The following SYN2 variants were observed in gnomAD, a reference collection of about 807,000 sequenced individuals.
SYN2 encodes synapsin II.
Under a neutral mutation model 50.9 loss-of-function variants are expected in SYN2, and 19 were observed. The observed-to-expected ratio is 0.37, with a 90% CI of 0.26 to 0.55. SYN2 has a LOEUF of 0.55. SYN2 is among the 20% of genes least tolerant of loss of function. SYN2 has a pLI of 0.81. For synonymous variants in SYN2, 255 were observed against 224.9 expected (o/e 1.13, Z -1.20); for missense variants, 587 against 576.4 (o/e 1.02, Z -0.19).
At position 12,105,359 on chromosome 3, in the gene SYN2, C is replaced by CT. The variant is rs527900480; in HGVS notation, c.378-35291dup. Among the ~76,000 whole-genome samples, 16 of 151,980 alleles carry CT rather than the reference C, an allele frequency of 1.1e-4. No homozygotes were observed. In the South Asian group the frequency reaches 3.1e-3, roughly 30 times the overall value. ...TGGCGAGAAGTAACCTTGATCTCCT[C>CT]TAAGTCACTATAGTCTTTTATCTAT... On this transcript the variant is annotated intron_variant, in intron 1 of 12. Transcript: ENST00000621198.
intron 1 of SYN2, among the ~76,000 whole-genome samples, chr3:12,085,467 A>C (rs929994692): frequency 6.6e-5 from 10 of 152,162 alleles, no homozygotes; most frequent in African/African-American, 2.4e-4. Context: ...ACTGCAATAC[A>C]ATAATAGTAA....
At chr3:12,018,518 C>CT (rs1331845117) in intron 1 of SYN2, among the ~76,000 whole-genome samples, 2 of 152,152 alleles carry the variant, frequency 1.3e-5, no homozygotes, top group African/African-American at 4.8e-5. Context: ...ATTTAATAGA[C>CT]TTGTTTTCCA....
intron 1 of SYN2, among the ~76,000 whole-genome samples, chr3:12,018,345 G>A (rs1322845041): frequency 1.3e-5 from 2 of 151,808 alleles, no homozygotes; most frequent in Non-Finnish European, 2.9e-5. Context: ...TTGGCATAAA[G>A]GTTTCAGGGC....
At chr3:12,080,496 A>G (rs307568) in intron 1 of SYN2, among the ~76,000 whole-genome samples, 140,928 of 152,194 alleles carry the variant, frequency 0.93, 65,300 homozygotes, top group East Asian at 1. Context: ...ATTCTGGTAC[A>G]TTGTCACTTT....
intron 1 of SYN2, among the ~76,000 whole-genome samples, chr3:12,053,547 A>G (rs1694918631): frequency 6.6e-6 from 1 of 152,166 alleles, no homozygotes; most frequent in Admixed American, 6.5e-5. Flanking sequence ...CACTCCATCT[A>G]TCAAACATAA....
intron 1 of SYN2, among the ~76,000 whole-genome samples, chr3:12,117,068 A>G (rs1339045643): frequency 6.6e-6 from 1 of 152,136 alleles, no homozygotes; most frequent in African/African-American, 2.4e-5. Context: ...GGCATTCTTG[A>G]TTGGAGTCTA....
At chr3:12,025,755 A>G (rs970026479) in intron 1 of SYN2, among the ~76,000 whole-genome samples, 2 of 152,140 alleles carry the variant, frequency 1.3e-5, no homozygotes, top group Non-Finnish European at 2.9e-5. Flanking sequence ...CCCTGCAAAC[A>G]GCAGCCACCC....
chr3:12,040,838 C>CTTAA (rs1220997930), intron 1 of SYN2, among the ~76,000 whole-genome samples: 1 of 152,142 alleles, frequency 6.6e-6, no homozygotes, highest in Non-Finnish European at 1.5e-5. Flanking sequence ...GCAGCCTTTG[C>CTTAA]TTAATGTAGA....
chr3:12,037,711 G>C (rs1019007488), intron 1 of SYN2, among the ~76,000 whole-genome samples: 1 of 152,130 alleles, frequency 6.6e-6, no homozygotes, highest in Non-Finnish European at 1.5e-5. Flanking sequence ...GAGGCCTCAC[G>C]ACCTAATTGC....
chr3:12,190,805 C>A lies in SYN2; in HGVS notation c.*180C>A. 1 of 1,367,648 alleles carries A rather than the reference C, an allele frequency of 7.3e-7. No homozygotes were observed. The highest frequency in any genetic ancestry group is 1.8e-5 in the South Asian group (1 of 54,314). The allele number at this position is 1,367,648 out of a possible 1,614,324, so 84.7% of individuals were successfully genotyped here. A position where few individuals can be genotyped will look rare whatever the true frequency, so the allele number is the denominator to read the frequency against. On this transcript the variant is annotated 3_prime_UTR_variant, in exon 13 of 13. Coordinates refer to ENST00000621198, the MANE Select transcript of SYN2 (RefSeq NM_133625.6). The stretch of plus-strand genomic sequence containing the variant: ...AAAGGACCATTTGACAGTCTCAGGG[C>A]AGGTGCCTACCCAGCAAGGGGTACC...
Position 12,151,341 on chromosome 3 carries a change from G to A in SYN2, c.774+15G>A. The A allele has an allele frequency of 6.3e-7, 1 of 1,596,248 alleles. No individual in the cohort carries two copies. Among genetic ancestry groups the A allele is most frequent in the Non-Finnish European group, 8.6e-7 (1 of 1,165,274 alleles). On this transcript the variant is annotated intron_variant, in intron 5 of 12. Coordinates refer to ENST00000621198, the MANE Select transcript of SYN2 (RefSeq NM_133625.6). Reference sequence around the variant, plus strand: ...ACAAAGAGATGGTAAGTGGCTCAGTGGGGACATTAGTCTTTCTGCTGTTTT... The same window carrying A: ...ACAAAGAGATGGTAAGTGGCTCAGTAGGGACATTAGTCTTTCTGCTGTTTT...
In SYN2 at chr3:12,169,799, G is replaced by T. The variant is rs773450187; in HGVS notation, c.1201G>T (p.Glu401Ter). 1.2e-6 allele frequency: 2 copies of T among 1,613,854 alleles called. No individual in the cohort carries two copies. The highest frequency in any genetic ancestry group is 2.7e-5 in the African/African-American group (2 of 74,922). Reference sequence around the variant, plus strand: ...GCCACTGATTGGGGAACATCAGGTGGAGGACAGGCAACTCATCACCGAACT... The same window carrying T: ...GCCACTGATTGGGGAACATCAGGTGTAGGACAGGCAACTCATCACCGAACT... Reference protein sequence around the residue: ...SMPLIGEHQVEDRQLITELVI... With the variant: ...SMPLIGEHQV Residue 401 changes from glutamate (E) to a stop codon, truncating the protein, a stop_gained, in exon 10 of 13, where the codon GAG (glutamate) becomes TAG (stop). Coordinates refer to ENST00000621198, the MANE Select transcript of SYN2 (RefSeq NM_133625.6). LOFTEE classifies it high-confidence loss of function.
intron 1 of SYN2, among the ~76,000 whole-genome samples, chr3:12,112,869 A>C (rs1391618320): frequency 6.6e-6 from 1 of 152,216 alleles, no homozygotes; most frequent in Non-Finnish European, 1.5e-5. Context: ...CATATGGTAT[A>C]TAATTGTGGT....
intron 1 of SYN2, among the ~76,000 whole-genome samples, chr3:12,087,949 A>G (rs965654254): frequency 2.6e-5 from 4 of 152,160 alleles, no homozygotes; most frequent in Non-Finnish European, 5.9e-5. Flanking sequence ...GAATTAAAAC[A>G]TAAGACCTGA....
chr3:12,062,187 A>G (rs561887919), intron 1 of SYN2, among the ~76,000 whole-genome samples: 4 of 152,172 alleles, frequency 2.6e-5, no homozygotes, highest in Admixed American at 6.5e-5. Context: ...ATCTATTTCA[A>G]TCAATGGAAC....
At chr3:12,023,838 T>A (rs1694198582) in intron 1 of SYN2, among the ~76,000 whole-genome samples, 1 of 152,088 alleles carries the variant, frequency 6.6e-6, no homozygotes, top group South Asian at 2.1e-4. Context: ...GTCTGTGAGG[T>A]ACTGGATGTT....
At position 12,040,430 on chromosome 3, in the gene SYN2, C is replaced by CTT. The variant is rs34991752; in HGVS notation, c.377+35521_377+35522dup. On this transcript the variant is annotated intron_variant, in intron 1 of 12. Transcript: ENST00000621198. Reference sequence around the variant, plus strand: ...TCAACGGTATTGGCAAGTTCTGTTTCTTTTTTTTTTTTTTTTTTTTGAGAC... The same window carrying CTT: ...TCAACGGTATTGGCAAGTTCTGTTTCTTTTTTTTTTTTTTTTTTTTTTGAGAC... 1.3e-3 allele frequency among the ~76,000 whole-genome samples: 143 copies of CTT among 109,252 alleles called. 1 individual carries two copies. Among genetic ancestry groups the CTT allele is most frequent in the African/African-American group, 2.7e-3 (81 of 30,292 alleles). The allele number at this position is 109,252 out of a possible 152,430, so 71.7% of individuals were successfully genotyped here. A position where few individuals can be genotyped will look rare whatever the true frequency, so the allele number is the denominator to read the frequency against.
At chr3:12,098,624 C>A (rs1695996720) in intron 1 of SYN2, among the ~76,000 whole-genome samples, 1 of 151,150 alleles carries the variant, frequency 6.6e-6, no homozygotes, top group Admixed American at 6.6e-5. Flanking sequence ...AAATTTAGCA[C>A]AAAAGAGATT....
intron 11 of SYN2, among the ~76,000 whole-genome samples, chr3:12,186,836 G>T (rs1365974923): frequency 1.3e-5 from 2 of 152,138 alleles, no homozygotes; most frequent in Middle Eastern, 3.2e-3. Flanking sequence ...CCCCTTAAAA[G>T]ACAACTAAGA....
Sources: gnomAD v4.1 joint callset for allele counts (sites outside exome capture counted in the v4.1 genomes callset) on GRCh38, gnomAD v4.1.1 for gene constraint, MANE v1.5 for transcripts, NCBI Gene and HGNC (gene_info 2026-07-23, HGNC 2026-07-21) for gene names.